The following ORC4 variants were observed in gnomAD, a reference collection of about 807,000 sequenced individuals.
The protein encoded by ORC4 is origin recognition complex, subunit 4 homolog.
A neutral mutation model predicts 63.9 loss-of-function variants in ORC4; 55 were observed. That is an observed-to-expected ratio of 0.86 (90% CI 0.69 to 1.08). ORC4 has a LOEUF of 1.08. Among genes scored for constraint, ORC4 ranks in the 50% least tolerant of loss-of-function variants. The pLI is 0.00. For synonymous variants in ORC4, 150 were observed against 168.5 expected, an observed-to-expected ratio of 0.89 and a Z score of 0.85; for missense variants, 511 against 504.4, an observed-to-expected ratio of 1.01 and a Z score of -0.13.
intron 9 of ORC4, among the ~76,000 whole-genome samples, chr2:147,945,842 T>C (rs1688631551): frequency 6.6e-6 from 1 of 151,960 alleles, no homozygotes; most frequent in Non-Finnish European, 1.5e-5. Flanking sequence ...ACCACCCTAC[T>C]CCACAAGGCA....
rs1049737558 is a variant in ORC4 at position 147,934,773 on chromosome 2, A to G, written c.*737T>C. ...AGAAAAGGTACAGTAAAAATATGGT[A>G]TAATCTTATGAGACCACCCTTTATA... is the stretch of plus-strand genomic sequence containing the variant. On this transcript the variant is annotated 3_prime_UTR_variant, in exon 14 of 14. Coordinates refer to ENST00000392857, the MANE Select transcript of ORC4 (RefSeq NM_181741.4). 1.3e-5 allele frequency: 2 copies of G among 152,322 alleles called. No individual in the cohort carries two copies. The highest frequency in any genetic ancestry group is 4.8e-5 in the African/African-American group (2 of 41,584). The allele number at this position is 152,322 out of a possible 1,614,324, so 9.4% of individuals were successfully genotyped here. A position where few individuals can be genotyped will look rare whatever the true frequency, so the allele number is the denominator to read the frequency against.
chr2:147,951,636 G>C (rs564807965), intron 8 of ORC4: 1 of 152,196 alleles, frequency 6.6e-6, no homozygotes, highest in African/African-American at 2.4e-5. Flanking sequence ...TCAGCCTGCA[G>C]AACTGTGAGA....
At chr2:148,016,742 G>T (rs545347438) in intron 1 of ORC4, among the ~76,000 whole-genome samples, 2 of 152,324 alleles carry the variant, frequency 1.3e-5, no homozygotes, top group South Asian at 2.1e-4. Flanking sequence ...TGTGTTGATT[G>T]TAATGACCTA....
At chr2:147,942,525 A>C (rs1688423971) in intron 10 of ORC4, among the ~76,000 whole-genome samples, 1 of 152,150 alleles carries the variant, frequency 6.6e-6, no homozygotes, top group South Asian at 2.1e-4. Flanking sequence ...ATCGAGAATA[A>C]GCATTTGACA....
chr2:147,994,143 A>C (rs1691793682), intron 1 of ORC4, among the ~76,000 whole-genome samples: 1 of 152,246 alleles, frequency 6.6e-6, no homozygotes, highest in African/African-American at 2.4e-5. Flanking sequence ...AAAAATGTAG[A>C]TATAAATCTA....
intron 10 of ORC4, among the ~76,000 whole-genome samples, chr2:147,940,536 C>T (rs1438947081): frequency 6.6e-6 from 1 of 151,888 alleles, no homozygotes; most frequent in Non-Finnish European, 1.5e-5. Flanking sequence ...AACCCAAATG[C>T]CCATCAATCA....
At position 147,940,359 on chromosome 2, in the gene ORC4, A is replaced by G. The variant is rs148890401; in HGVS notation, c.850-1111T>C. 3.6e-4 allele frequency among the ~76,000 whole-genome samples: 55 copies of G among 152,106 alleles called. No homozygotes were observed. In the Middle Eastern group the frequency reaches 0.017, roughly 47 times the overall value. On this transcript the variant is annotated intron_variant, in intron 10 of 13. Transcript: ENST00000392857. ...TGGAAAACAATGTGGAGATTCCTTAAAGAACTAAAAGTAGAACTACCATTT... is the reference window on the plus strand; with the variant it reads ...TGGAAAACAATGTGGAGATTCCTTAGAGAACTAAAAGTAGAACTACCATTT...
rs187839800 is a variant in ORC4, at chr2:147,966,927, T to A, written c.225+5812A>T. Among the ~76,000 whole-genome samples, 341 of 152,198 alleles carry A rather than the reference T, an allele frequency of 2.2e-3. 1 individual carries two copies. Among genetic ancestry groups the A allele is most frequent in the South Asian group, 7.7e-3 (37 of 4,810 alleles). On this transcript the variant is annotated intron_variant, in intron 4 of 13. Coordinates refer to ENST00000392857, the MANE Select transcript of ORC4 (RefSeq NM_181741.4). ...AAAAACTACAGGTCAACATCTCTGA[T>A]GAATATAGATGCAAAAGTCTTCAAT... is the stretch of plus-strand genomic sequence containing the variant.
Position 147,933,330 on chromosome 2 carries a change from C to T in ORC4, c.*2180G>A, listed in dbSNP as rs968143696. 6.6e-6 allele frequency: 1 copy of T among 151,968 alleles called. No homozygotes were observed. Among genetic ancestry groups the T allele is most frequent in the Non-Finnish European group, 1.5e-5 (1 of 67,978 alleles). The allele number at this position is 151,968 out of a possible 1,614,324, so 9.4% of individuals were successfully genotyped here. A position where few individuals can be genotyped will look rare whatever the true frequency, so the allele number is the denominator to read the frequency against. On this transcript the variant is annotated 3_prime_UTR_variant, in exon 14 of 14. Coordinates refer to ENST00000392857, the MANE Select transcript of ORC4 (RefSeq NM_181741.4). The stretch of plus-strand genomic sequence containing the variant: ...AGACGAAGTTAGCTCAAAACTCTTG[C>T]GAATAGATTTTAGCATTTTTGTATG...
chr2:147,942,474 A>G (rs2105268836), intron 10 of ORC4, among the ~76,000 whole-genome samples: 1 of 152,262 alleles, frequency 6.6e-6, no homozygotes, highest in Admixed American at 6.6e-5. Context: ...ACATAATCAA[A>G]TATATCAACA....
rs55869341 is a variant in ORC4 at position 148,005,656 on chromosome 2, CAAAAAAAAA to C, written c.-18+14968_-18+14976del. ...ACACCAAACTGAACAACTATCCATG[CAAAAAAAAA>C]AAAAAAAAAAAAAAACAACCTTCAT... On this transcript the variant is annotated intron_variant, in intron 1 of 13. Coordinates refer to ENST00000392857, the MANE Select transcript of ORC4 (RefSeq NM_181741.4). Among the ~76,000 whole-genome samples the C allele has an allele frequency of 1.6e-4, 8 of 51,486 alleles. No homozygotes were observed. The South Asian group carries it at 8.8e-3, about 57-fold the overall frequency. The allele number at this position is 51,486 out of a possible 152,430, so 33.8% of individuals were successfully genotyped here. A position where few individuals can be genotyped will look rare whatever the true frequency, so the allele number is the denominator to read the frequency against.
intron 1 of ORC4, among the ~76,000 whole-genome samples, chr2:147,993,718 G>A (rs917651905): frequency 4.6e-5 from 7 of 152,014 alleles, no homozygotes; most frequent in African/African-American, 1.7e-4. Flanking sequence ...AAAATTAGGG[G>A]GTTGGGGGCT....
intron 1 of ORC4, among the ~76,000 whole-genome samples, chr2:147,982,784 A>G (rs1162919688): frequency 6.6e-6 from 1 of 152,196 alleles, no homozygotes; most frequent in Admixed American, 6.5e-5. Flanking sequence ...TTCAAAGACA[A>G]TTCTAATAGT....
chr2:147,974,327 G>C (rs1223243209), intron 2 of ORC4, among the ~76,000 whole-genome samples: 1 of 151,982 alleles, frequency 6.6e-6, no homozygotes, highest in African/African-American at 2.4e-5. Flanking sequence ...CTTATGGCAG[G>C]CCTGTTTGAA....
chr2:148,010,321 A>T lies in ORC4; in HGVS notation c.-18+10312T>A, dbSNP rs17218819. ...AGAGCATGCCAAGCCCCAAATTAAG[A>T]AGAGAAATAATAAAGAAAACAAGAA... On this transcript the variant is annotated intron_variant, in intron 1 of 13. Coordinates refer to ENST00000392857, the MANE Select transcript of ORC4 (RefSeq NM_181741.4). 4.5e-4 allele frequency among the ~76,000 whole-genome samples: 69 copies of T among 152,076 alleles called. 1 individual carries two copies. The South Asian group carries it at 0.014, about 31-fold the overall frequency.
At chr2:148,017,455 T>C (rs958322804) in intron 1 of ORC4, among the ~76,000 whole-genome samples, 17 of 152,346 alleles carry the variant, frequency 1.1e-4, no homozygotes, top group South Asian at 6.2e-4. Context: ...GTGGATCACT[T>C]GAGGTCAGGA....
At chr2:147,960,392 T>C in intron 4 of ORC4, 1 of 948,254 alleles carries the variant, frequency 1.1e-6, no homozygotes, top group Non-Finnish European at 1.3e-6. Flanking sequence ...GTTTATGCAA[T>C]CAACCATTTA....
At chr2:147,956,758 C>T (rs1689273422) in intron 6 of ORC4, among the ~76,000 whole-genome samples, 1 of 152,070 alleles carries the variant, frequency 6.6e-6, no homozygotes, top group East Asian at 1.9e-4. Context: ...CTAATAATCT[C>T]TATATATGAT....
chr2:147,985,790 T>C (rs1296473230), intron 1 of ORC4, among the ~76,000 whole-genome samples: 2 of 152,104 alleles, frequency 1.3e-5, no homozygotes. Flanking sequence ...ATTTACCAAA[T>C]ACCTCTCTGC....
Sources: gnomAD v4.1 joint callset for allele counts (sites outside exome capture counted in the v4.1 genomes callset) on GRCh38, gnomAD v4.1.1 for gene constraint, MANE v1.5 for transcripts, NCBI Gene and HGNC (gene_info 2026-07-23, HGNC 2026-07-21) for gene names.